RASGRP3: variants seen among roughly 807,000 people sequenced by gnomAD.
RASGRP3 encodes RAS guanyl releasing protein 3.
RASGRP3 carries 54 observed loss-of-function variants against 82.7 expected under a neutral mutation model. That is an observed-to-expected ratio of 0.65 (90% CI 0.52 to 0.82). The LOEUF is 0.82. Ranked by LOEUF, RASGRP3 falls within the 40% of genes least tolerant of loss-of-function variation. RASGRP3 has a pLI of 0.00. For synonymous variants in RASGRP3, 309 were observed against 300.5 expected (o/e 1.03, Z -0.29); for missense variants, 861 against 828.9 (o/e 1.04, Z -0.48).
At chr2:33,494,214 A>T (rs1669106978) in intron 1 of RASGRP3, among the ~76,000 whole-genome samples, 1 of 152,202 alleles carries the variant, frequency 6.6e-6, no homozygotes, top group Admixed American at 6.5e-5. Context: ...CTACTAGCAC[A>T]ACCTCTTTCT....
chr2:33,484,084 C>A (rs1177180651), intron 1 of RASGRP3, among the ~76,000 whole-genome samples: 1 of 152,178 alleles, frequency 6.6e-6, no homozygotes, highest in East Asian at 1.9e-4. Context: ...TCCAGCAATT[C>A]AAATTTGGCT....
intron 11 of RASGRP3, 29 bp downstream of exon 11, chr2:33,534,429 G>T (rs1290278284): frequency 7.0e-7 from 1 of 1,433,536 alleles, no homozygotes; most frequent in African/African-American, 1.4e-5. Context: ...CCAAGGATCA[G>T]TACCAATCAC....
At chr2:33,487,562 A>G (rs1668501775) in intron 1 of RASGRP3, among the ~76,000 whole-genome samples, 1 of 152,224 alleles carries the variant, frequency 6.6e-6, no homozygotes, top group Admixed American at 6.5e-5. Context: ...AAAAGCAGTT[A>G]GCCTGGTTCA....
chr2:33,530,497 C>CAT (rs1491365740), intron 10 of RASGRP3, among the ~76,000 whole-genome samples: 3 of 117,080 alleles, frequency 2.6e-5, no homozygotes, highest in African/African-American at 1.0e-4. Flanking sequence ...CTGCCCCTTC[C>CAT]TTTTTTTTTT....
At chr2:33,524,681 G>A in intron 9 of RASGRP3, 133 bp downstream of exon 9, 2 of 651,318 alleles carry the variant, frequency 3.1e-6, no homozygotes, top group South Asian at 2.1e-5. Context: ...TATAAATGGG[G>A]ACAAAGTAGA....
At chr2:33,437,678 C>G (rs961464600) in intron 1 of RASGRP3, among the ~76,000 whole-genome samples, 1 of 152,182 alleles carries the variant, frequency 6.6e-6, no homozygotes, top group Admixed American at 6.5e-5. Flanking sequence ...GGCTCAGGCT[C>G]AGTGTGGATC....
upstream of RASGRP3, among the ~76,000 whole-genome samples, chr2:33,471,715 A>T (rs1182745490): frequency 2.0e-5 from 3 of 152,072 alleles, no homozygotes; most frequent in Admixed American, 2.0e-4. Context: ...ATAATTCCTT[A>T]TTAACTTTTA....
intron 1 of RASGRP3, among the ~76,000 whole-genome samples, chr2:33,441,934 C>T (rs754421609): frequency 2.0e-5 from 3 of 151,934 alleles, no homozygotes; most frequent in Non-Finnish European, 4.4e-5. Flanking sequence ...AATAACATTC[C>T]ACAATATGAA....
intron 1 of RASGRP3, among the ~76,000 whole-genome samples, chr2:33,438,799 T>C (rs922596241): frequency 5.3e-5 from 8 of 151,888 alleles, no homozygotes; most frequent in Non-Finnish European, 1.0e-4. Context: ...ACAATCACCA[T>C]GTGTTTACAG....
chr2:33,513,234 G>C (rs953512178), intron 2 of RASGRP3, among the ~76,000 whole-genome samples: 3 of 152,176 alleles, frequency 2.0e-5, no homozygotes, highest in Non-Finnish European at 2.9e-5. Flanking sequence ...CAAGAATCTG[G>C]TTCTTTCACA....
intron 1 of RASGRP3, among the ~76,000 whole-genome samples, chr2:33,509,595 A>T (rs1292782148): frequency 2.0e-5 from 3 of 152,216 alleles, no homozygotes; most frequent in African/African-American, 7.2e-5. Flanking sequence ...CATAATTGAA[A>T]AGACTTCATC....
intron 13 of RASGRP3, among the ~76,000 whole-genome samples, chr2:33,545,793 C>CTATTAT (rs34536252): frequency 6.6e-6 from 1 of 150,670 alleles, no homozygotes; most frequent in Non-Finnish European, 1.5e-5. Flanking sequence ...GTCAGAATGG[C>CTATTAT]TATTATTATT....
chr2:33,489,934 C>CT (rs774619592), intron 1 of RASGRP3, among the ~76,000 whole-genome samples: 13 of 152,172 alleles, frequency 8.5e-5, no homozygotes, highest in Non-Finnish European at 7.4e-5. Flanking sequence ...CTGTTTCTGG[C>CT]TTTTTTCATC....
At chr2:33,543,717 C>G (rs1342785562) in intron 13 of RASGRP3, 90 bp downstream of exon 13, 1 of 885,030 alleles carries the variant, frequency 1.1e-6, no homozygotes, top group Non-Finnish European at 1.7e-6. Context: ...TAATTTGCAT[C>G]TTGACAGCTT....
intron 1 of RASGRP3, chr2:33,436,661 C>T (rs996317381): frequency 1.3e-5 from 2 of 152,238 alleles, no homozygotes; most frequent in Non-Finnish European, 2.9e-5. Flanking sequence ...ATATTAGCCA[C>T]AGACAATGGA....
At chr2:33,510,913 A>T (rs1670867404) in intron 1 of RASGRP3, among the ~76,000 whole-genome samples, 1 of 152,148 alleles carries the variant, frequency 6.6e-6, no homozygotes, top group South Asian at 2.1e-4. Context: ...GCTACCTTTT[A>T]TTATTTCTAA....
chr2:33,511,738 G>C lies in RASGRP3; in HGVS notation c.-232G>C, dbSNP rs950458987. On this transcript the variant is annotated 5_prime_UTR_variant, in exon 2 of 18. Transcript: ENST00000403687. ...CTCCAAAATACTTATCATTCAGGTT[G>C]AATAAACCAGTTCTACAGACTGCTT... 3 of 152,576 alleles carry C rather than the reference G, an allele frequency of 2.0e-5. No homozygotes were observed. The highest frequency in any genetic ancestry group is 2.9e-5 in the Non-Finnish European group (2 of 68,040). The allele number at this position is 152,576 out of a possible 1,614,324, so 9.5% of individuals were successfully genotyped here.
At chr2:33,524,190 A>G (rs926159101) in intron 8 of RASGRP3, 138 bp downstream of exon 8, 44 of 1,117,392 alleles carry the variant, frequency 3.9e-5, no homozygotes, top group Non-Finnish European at 4.8e-5. Flanking sequence ...TAATGAACAA[A>G]TCGTATTTTT....
chr2:33,474,263 A>G (rs1243097438), upstream of RASGRP3, among the ~76,000 whole-genome samples: 3 of 152,150 alleles, frequency 2.0e-5, no homozygotes, highest in African/African-American at 4.8e-5. Context: ...ATTGGATCTT[A>G]GGGGCAGATT....
Sources: gnomAD v4.1 joint callset for allele counts (sites outside exome capture counted in the v4.1 genomes callset) on GRCh38, gnomAD v4.1.1 for gene constraint, MANE v1.5 for transcripts, NCBI Gene and HGNC (gene_info 2026-07-23, HGNC 2026-07-21) for gene names.